Variants in SRBD1 observed in about 807,000 individuals in gnomAD.
The protein encoded by SRBD1 is S1 RNA binding domain 1.
SRBD1 carries 88 observed loss-of-function variants against 115.3 expected under a neutral mutation model. The observed-to-expected ratio is 0.76, with a 90% CI of 0.64 to 0.91. The LOEUF is 0.91. SRBD1 is among the 40% of genes least tolerant of loss of function. SRBD1 has a pLI of 0.00. For synonymous variants in SRBD1, 509 were observed against 407.7 expected, an observed-to-expected ratio of 1.25 and a Z score of -2.99; for missense variants, 1,385 against 1,177.4, an observed-to-expected ratio of 1.18 and a Z score of -2.58.
chr2:45,448,309 A>G (rs1668888817), intron 16 of SRBD1, among the ~76,000 whole-genome samples: 1 of 152,206 alleles, frequency 6.6e-6, no homozygotes, highest in African/African-American at 2.4e-5. Flanking sequence ...TATTAGAACT[A>G]GATAGAATAA....
Position 45,599,440 on chromosome 2 carries a change from T to C in SRBD1, c.648+9A>G, listed in dbSNP as rs1040914270. 4 of 1,604,558 alleles carry C rather than the reference T, an allele frequency of 2.5e-6. No homozygotes were observed. Among genetic ancestry groups the C allele is most frequent in the Non-Finnish European group, 2.6e-6 (3 of 1,174,800 alleles). ...AACAACTAAAGTGACAGAAAAAGGC[T>C]GCACATACCTGTACCATGTCCCAAT... On this transcript the variant is annotated intron_variant, in intron 4 of 20. Coordinates refer to ENST00000263736, the MANE Select transcript of SRBD1 (RefSeq NM_018079.5).
At chr2:45,477,983 A>G (rs1217568971) in intron 15 of SRBD1, among the ~76,000 whole-genome samples, 1 of 151,062 alleles carries the variant, frequency 6.6e-6, no homozygotes, top group Non-Finnish European at 1.5e-5. Context: ...TTTTTACCAA[A>G]TATCAATAAA....
At chr2:45,401,251 G>C (rs1667284803) in intron 19 of SRBD1, among the ~76,000 whole-genome samples, 1 of 152,164 alleles carries the variant, frequency 6.6e-6, no homozygotes, top group Non-Finnish European at 1.5e-5. Flanking sequence ...TTTGAGTACA[G>C]CCTGGGCAAC....
At chr2:45,477,862 C>T (rs1289313030) in intron 15 of SRBD1, among the ~76,000 whole-genome samples, 1 of 152,160 alleles carries the variant, frequency 6.6e-6, no homozygotes, top group African/African-American at 2.4e-5. Flanking sequence ...GTTCTAATTA[C>T]ATCCCTTTCT....
rs192522095 is a variant in SRBD1, at chr2:45,487,945, C to T, written c.1966+295G>A. 1.1e-3 allele frequency among the ~76,000 whole-genome samples: 162 copies of T among 152,252 alleles called. 1 individual carries two copies. Among genetic ancestry groups the T allele is most frequent in the African/African-American group, 3.8e-3 (158 of 41,532 alleles). On this transcript the variant is annotated intron_variant, in intron 15 of 20. Transcript: ENST00000263736. Reference sequence around the variant, plus strand: ...GGGATTACAGGTTTGAGCCACCGCACCCGGCCTATTATTTTTATTACTGAA... The same window carrying T: ...GGGATTACAGGTTTGAGCCACCGCATCCGGCCTATTATTTTTATTACTGAA...
chr2:45,502,743 T>C (rs1670675156), intron 14 of SRBD1, among the ~76,000 whole-genome samples: 1 of 151,796 alleles, frequency 6.6e-6, no homozygotes, highest in Non-Finnish European at 1.5e-5. Context: ...ATGAGTTAAG[T>C]GGTGCAGCAC....
intron 20 of SRBD1, among the ~76,000 whole-genome samples, chr2:45,391,269 T>G (rs1330014872): frequency 1.3e-5 from 2 of 152,204 alleles, no homozygotes; most frequent in Non-Finnish European, 2.9e-5. Flanking sequence ...CCAAGCATTT[T>G]CAGCCCCTGT....
intron 14 of SRBD1, among the ~76,000 whole-genome samples, chr2:45,514,022 A>G (rs1671049364): frequency 6.6e-6 from 1 of 152,170 alleles, no homozygotes; most frequent in South Asian, 2.1e-4. Flanking sequence ...ATCAGTTTTC[A>G]GTTCAGTTTC....
intron 16 of SRBD1, among the ~76,000 whole-genome samples, chr2:45,470,098 A>G (rs1669602027): frequency 6.6e-6 from 1 of 152,244 alleles, no homozygotes; most frequent in Non-Finnish European, 1.5e-5. Flanking sequence ...ATGATAATTA[A>G]GGAATTAAAA....
chr2:45,415,689 GA>G (rs1475086950), intron 18 of SRBD1, among the ~76,000 whole-genome samples: 105 of 2,084 alleles, frequency 0.05, 16 homozygotes, highest in Middle Eastern at 0.17. Context: ...GAGGGGACGG[GA>G]GAGGAGAGGA....
chr2:45,425,933 C>A (rs1049099335), intron 16 of SRBD1, among the ~76,000 whole-genome samples: 1 of 152,158 alleles, frequency 6.6e-6, no homozygotes, highest in Non-Finnish European at 1.5e-5. Flanking sequence ...ATTTGGGCAA[C>A]ACTGAGCTAG....
intron 11 of SRBD1, among the ~76,000 whole-genome samples, chr2:45,552,084 GAC>G (rs1340704285): frequency 6.6e-6 from 1 of 152,176 alleles, no homozygotes; most frequent in Non-Finnish European, 1.5e-5. Flanking sequence ...TAGAACTGAT[GAC>G]AGAGATAGAT....
chr2:45,486,523 C>A (rs1047733615), intron 15 of SRBD1, among the ~76,000 whole-genome samples: 1 of 151,774 alleles, frequency 6.6e-6, no homozygotes, highest in Non-Finnish European at 1.5e-5. Flanking sequence ...GTCAGGAGAT[C>A]GAGACCATCC....
At chr2:45,607,838 C>A (rs892636926) in intron 1 of SRBD1, among the ~76,000 whole-genome samples, 1 of 152,192 alleles carries the variant, frequency 6.6e-6, no homozygotes, top group African/African-American at 2.4e-5. Flanking sequence ...GGGAACCATA[C>A]AGACTGAATG....
intron 14 of SRBD1, among the ~76,000 whole-genome samples, chr2:45,495,528 CTCTTT>C (rs1234416359): frequency 5.9e-5 from 9 of 152,016 alleles, no homozygotes; most frequent in East Asian, 1.9e-4. Flanking sequence ...TTCAAAATCC[CTCTTT>C]TATCTTTTTT....
chr2:45,459,199 C>CTATA (rs931461622), intron 16 of SRBD1, among the ~76,000 whole-genome samples: 6 of 152,166 alleles, frequency 3.9e-5, no homozygotes, highest in Non-Finnish European at 7.4e-5. Context: ...AAGTAAAACA[C>CTATA]TATAGACTTA....
chr2:45,521,352 T>C (rs1401145527), intron 14 of SRBD1, among the ~76,000 whole-genome samples: 2 of 151,250 alleles, frequency 1.3e-5, no homozygotes, highest in African/African-American at 4.9e-5. Flanking sequence ...AGGAGTTGAA[T>C]AGACATTTCT....
intron 16 of SRBD1, among the ~76,000 whole-genome samples, chr2:45,426,941 T>A (rs369341764): frequency 1.3e-5 from 2 of 152,226 alleles, no homozygotes; most frequent in African/African-American, 4.8e-5. Context: ...ATGCCTCTTC[T>A]CCTCTAAAGG....
chr2:45,476,768 T>C, intron 16 of SRBD1, among the ~76,000 whole-genome samples: 1 of 152,224 alleles, frequency 6.6e-6, no homozygotes, highest in East Asian at 1.9e-4. Flanking sequence ...TCTTTCAATC[T>C]GACCACAGTC....
Sources: allele counts gnomAD v4.1 joint callset (sites outside exome capture counted in the v4.1 genomes callset), GRCh38; gene constraint gnomAD v4.1.1; transcripts MANE v1.5; gene names NCBI Gene and HGNC (gene_info 2026-07-23, HGNC 2026-07-21).